DNMT3A: variants seen among roughly 807,000 people sequenced by gnomAD.
The protein encoded by DNMT3A is DNA (cytosine-5)-methyltransferase 3A.
In DNMT3A, 267 loss-of-function variants were observed where a neutral mutation model predicts 117.6. The ratio of observed to expected loss-of-function variants is 2.27; its 90% CI spans 2.05 to 2.51. The LOEUF (loss-of-function observed/expected upper bound fraction) is 2.51. Among genes scored for constraint, DNMT3A ranks in the 30% most tolerant of loss-of-function variants. DNMT3A has a pLI of 0.00. For missense variants in DNMT3A, 1,029 were observed against 1,260.2 expected (o/e 0.82, Z 2.78); for synonymous variants, 432 against 474.8 (o/e 0.91, Z 1.17).
At chr2:25,283,989 G>A (rs1294769518) in intron 3 of DNMT3A, among the ~76,000 whole-genome samples, 1 of 152,174 alleles carries the variant, frequency 6.6e-6, no homozygotes, top group East Asian at 1.9e-4. Context: ...GTGCTCTGCT[G>A]TGTATATATA....
intron 12 of DNMT3A, among the ~76,000 whole-genome samples, 191 bp downstream of exon 12, chr2:25,245,829 C>T (rs550380594): frequency 9.3e-4 from 142 of 152,350 alleles, no homozygotes; most frequent in African/African-American, 3.3e-3. Flanking sequence ...CCCTGAAGAC[C>T]AGCCCACGCC....
At chr2:25,289,268 A>G (rs1237248311) in intron 3 of DNMT3A, among the ~76,000 whole-genome samples, 1 of 151,706 alleles carries the variant, frequency 6.6e-6, no homozygotes, top group Non-Finnish European at 1.5e-5. Flanking sequence ...ACACCTGGCT[A>G]ATTTTTGTAT....
chr2:25,334,138 G>C (rs2035119203), intron 1 of DNMT3A, among the ~76,000 whole-genome samples: 1 of 152,196 alleles, frequency 6.6e-6, no homozygotes, highest in African/African-American at 2.4e-5. Flanking sequence ...GCAGCCTCGG[G>C]GGAAGGGAAG....
At chr2:25,244,044 G>C (rs967073948) in intron 15 of DNMT3A, 62 bp from the exon 16 acceptor site, 5 of 1,567,048 alleles carry the variant, frequency 3.2e-6, no homozygotes, top group Non-Finnish European at 4.3e-6. Context: ...CCCACCCAGC[G>C]CTGGCCCTCC....
chr2:25,326,108 A>ATATGTG (rs1199253757), intron 1 of DNMT3A, among the ~76,000 whole-genome samples: 5 of 142,256 alleles, frequency 3.5e-5, no homozygotes, highest in East Asian at 2.1e-4. Context: ...CTTGATATAT[A>ATATGTG]TGTGTGTGTG....
At chr2:25,318,280 G>T (rs1442352176) in intron 1 of DNMT3A, among the ~76,000 whole-genome samples, 1 of 151,956 alleles carries the variant, frequency 6.6e-6, no homozygotes, top group Non-Finnish European at 1.5e-5. Flanking sequence ...GATCAGTTGG[G>T]TTTTTTTGTT....
At chr2:25,316,931 G>A (rs1333315124) in intron 1 of DNMT3A, among the ~76,000 whole-genome samples, 1 of 152,170 alleles carries the variant, frequency 6.6e-6, no homozygotes, top group South Asian at 2.1e-4. Flanking sequence ...AAACATCTTC[G>A]TATCACAGCT....
intron 1 of DNMT3A, among the ~76,000 whole-genome samples, chr2:25,319,176 G>A (rs1348503740): frequency 2.0e-5 from 3 of 150,052 alleles, no homozygotes; most frequent in Non-Finnish European, 3.0e-5. Context: ...CACCACACCC[G>A]GCTAATTTTT....
At chr2:25,245,886 C>T (rs1035397291) in intron 12 of DNMT3A, 134 bp downstream of exon 12, 21 of 1,162,258 alleles carry the variant, frequency 1.8e-5, no homozygotes, top group South Asian at 6.7e-5. Flanking sequence ...AGACAGTGCA[C>T]GAAGCACGGT....
chr2:25,336,968 C>T (rs1218314862), intron 1 of DNMT3A, among the ~76,000 whole-genome samples: 3 of 152,242 alleles, frequency 2.0e-5, no homozygotes, highest in African/African-American at 7.2e-5. Context: ...CCCAGTCCCA[C>T]TCTGCAGTTC....
chr2:25,285,085 T>G (rs1213984093), intron 3 of DNMT3A, among the ~76,000 whole-genome samples: 2 of 152,154 alleles, frequency 1.3e-5, no homozygotes, highest in African/African-American at 2.4e-5. Context: ...TACAGCTGCG[T>G]GTTTCCATGG....
chr2:25,288,994 C>T (rs78676506), intron 3 of DNMT3A, among the ~76,000 whole-genome samples: 8,469 of 152,262 alleles, frequency 0.056, 456 homozygotes, highest in East Asian at 0.24. Flanking sequence ...ATGCATGCCA[C>T]GTTTGTTTAC....
chr2:25,330,272 G>A (rs968709264), intron 1 of DNMT3A, among the ~76,000 whole-genome samples: 3 of 152,174 alleles, frequency 2.0e-5, no homozygotes, highest in African/African-American at 7.2e-5. Flanking sequence ...CTTCCAGGGG[G>A]CCAGTCCTGC....
chr2:25,278,042 C>CAG (rs59654713), intron 4 of DNMT3A, among the ~76,000 whole-genome samples: 6,130 of 146,312 alleles, frequency 0.042, 169 homozygotes, highest in East Asian at 0.057. Context: ...CACACACAGA[C>CAG]ACACACGCTT....
intron 7 of DNMT3A, 23 bp downstream of exon 7, chr2:25,248,014 C>T (rs369346170): frequency 9.3e-6 from 15 of 1,611,372 alleles, no homozygotes; most frequent in Middle Eastern, 2.2e-4. Context: ...GAGCTGGCCA[C>T]GGCTGGTGAA....
At chr2:25,235,263 C>T in intron 22 of DNMT3A, among the ~76,000 whole-genome samples, 1 of 151,996 alleles carries the variant, frequency 6.6e-6, no homozygotes, top group South Asian at 2.1e-4. Flanking sequence ...CGGCTCACTG[C>T]AACCTCCACC....
At chr2:25,265,638 T>G (rs1273350858) in intron 6 of DNMT3A, among the ~76,000 whole-genome samples, 1 of 151,942 alleles carries the variant, frequency 6.6e-6, no homozygotes, top group Non-Finnish European at 1.5e-5. Flanking sequence ...GCCAACATGG[T>G]GAAACCCCAT....
chr2:25,242,163 A>C, intron 16 of DNMT3A: 1 of 174,110 alleles, frequency 5.7e-6, no homozygotes, highest in Non-Finnish European at 1.2e-5. Context: ...CCCTGGAATC[A>C]CCGCCCCCTC....
At chr2:25,315,463 G>C (rs755290164) in intron 1 of DNMT3A, among the ~76,000 whole-genome samples, 4 of 152,180 alleles carry the variant, frequency 2.6e-5, no homozygotes, top group Non-Finnish European at 5.9e-5. Flanking sequence ...GGCAGCCCAG[G>C]TGCACTGCGT....
Sources: allele counts gnomAD v4.1 joint callset (sites outside exome capture counted in the v4.1 genomes callset), GRCh38; gene constraint gnomAD v4.1.1; transcripts MANE v1.5; gene names NCBI Gene and HGNC (gene_info 2026-07-23, HGNC 2026-07-21).